Variants in GMPR observed in about 807,000 individuals in gnomAD.
GMPR encodes the protein guanosine monophosphate reductase, also known as GMP reductase 1.
A neutral mutation model predicts 38.4 loss-of-function variants in GMPR; 31 were observed. That is an observed-to-expected ratio of 0.81 (90% CI 0.61 to 1.09). The LOEUF is 1.09. GMPR is among the 50% of genes least tolerant of loss of function. GMPR has a pLI of 0.00. For synonymous variants in GMPR, 162 were observed against 173.3 expected (o/e 0.93, Z 0.51); for missense variants, 468 against 453.7 (o/e 1.03, Z -0.29).
chr6:16,269,295 C>T (rs1015383923), intron 4 of GMPR, among the ~76,000 whole-genome samples: 3 of 152,122 alleles, frequency 2.0e-5, no homozygotes, highest in African/African-American at 7.2e-5. Flanking sequence ...GTGATTTGCT[C>T]AAAAGTACCC....
chr6:16,265,488 G>C (rs1759176204), intron 4 of GMPR, among the ~76,000 whole-genome samples: 1 of 152,156 alleles, frequency 6.6e-6, no homozygotes, highest in Non-Finnish European at 1.5e-5. Context: ...TTGACTTTCT[G>C]GGTCCAGTGG....
At chr6:16,267,626 ACACT>A (rs755995387) in intron 4 of GMPR, among the ~76,000 whole-genome samples, 1 of 152,060 alleles carries the variant, frequency 6.6e-6, no homozygotes, top group Non-Finnish European at 1.5e-5. Flanking sequence ...AAGAATTGTA[ACACT>A]CACCGCAGCC....
At chr6:16,239,232 C>G (rs1758597115) in intron 1 of GMPR, among the ~76,000 whole-genome samples, 1 of 152,168 alleles carries the variant, frequency 6.6e-6, no homozygotes, top group African/African-American at 2.4e-5. Context: ...GGTGGAACTT[C>G]GTGAACGCGT....
intron 8 of GMPR, among the ~76,000 whole-genome samples, chr6:16,293,010 G>A (rs957954695): frequency 6.7e-6 from 1 of 148,806 alleles, no homozygotes; most frequent in African/African-American, 2.5e-5. Context: ...TCTTACCTCT[G>A]TCTGAGTCTC....
intron 1 of GMPR, among the ~76,000 whole-genome samples, chr6:16,240,605 C>T (rs1581643154): frequency 6.6e-6 from 1 of 152,338 alleles, no homozygotes; most frequent in South Asian, 2.1e-4. Context: ...CACTGCACTT[C>T]AGCCTGGACA....
rs1758927845 is a variant in GMPR at position 16,254,088 on chromosome 6, G to A, written c.292-474G>A. ...TGGGATTACAGGCACCTGCCACCACGCCTGGCTAATTTTTATATTTTTAAT... is the reference window on the plus strand; with the variant it reads ...TGGGATTACAGGCACCTGCCACCACACCTGGCTAATTTTTATATTTTTAAT... On this transcript the variant is annotated intron_variant, in intron 3 of 8. Coordinates refer to ENST00000259727, the MANE Select transcript of GMPR (RefSeq NM_006877.4). 2.0e-5 allele frequency among the ~76,000 whole-genome samples: 3 copies of A among 152,022 alleles called. No individual in the cohort carries two copies. The South Asian group carries it at 6.2e-4, about 32-fold the overall frequency.
At position 16,259,479 on chromosome 6, in the gene GMPR, G is replaced by T. The variant is rs1056880617; in HGVS notation, c.465+4744G>T. On this transcript the variant is annotated intron_variant, in intron 4 of 8. Transcript: ENST00000259727. ...AAATAAAACAAAATAGTGGTAAAGT[G>T]TTGGGACGGTGAAAATTTTTGGGGA... is the stretch of plus-strand genomic sequence containing the variant. The T allele has an allele frequency of 2.6e-5, 4 of 151,938 alleles. 1 individual carries two copies. The Admixed American group carries it at 2.7e-4, about 10-fold the overall frequency. The allele number at this position is 151,938 out of a possible 1,614,324, so 9.4% of individuals were successfully genotyped here. A position where few individuals can be genotyped will look rare whatever the true frequency, so the allele number is the denominator to read the frequency against.
At chr6:16,284,752 G>C (rs1306644252) in intron 6 of GMPR, among the ~76,000 whole-genome samples, 1 of 152,190 alleles carries the variant, frequency 6.6e-6, no homozygotes, top group Non-Finnish European at 1.5e-5. Context: ...GGGCGCGGTG[G>C]TGCACGCCTG....
chr6:16,253,004 A>T (rs766464008), intron 3 of GMPR, among the ~76,000 whole-genome samples: 1 of 152,284 alleles, frequency 6.6e-6, no homozygotes, highest in Non-Finnish European at 1.5e-5. Context: ...GAGTTAAAAT[A>T]TAAACAATCC....
At chr6:16,240,372 A>C (rs143566015) in intron 1 of GMPR, among the ~76,000 whole-genome samples, 154 of 152,298 alleles carry the variant, frequency 1.0e-3, no homozygotes, top group Admixed American at 2.1e-3. Context: ...TCAGCTCTAC[A>C]AAAATTTAAA....
At chr6:16,248,367 G>T (rs1037691162) in intron 2 of GMPR, among the ~76,000 whole-genome samples, 1 of 151,248 alleles carries the variant, frequency 6.6e-6, no homozygotes, top group African/African-American at 2.4e-5. Flanking sequence ...CCCATTTGTG[G>T]GCAGGACATT....
At chr6:16,272,820 T>TTTTTTTC (rs1257244341) in intron 4 of GMPR, among the ~76,000 whole-genome samples, 4 of 152,256 alleles carry the variant, frequency 2.6e-5, no homozygotes, top group African/African-American at 9.6e-5. Context: ...GTATGTCAGT[T>TTTTTTTC]TTTTTTCTTT....
At chr6:16,269,839 A>C (rs983770563) in intron 4 of GMPR, among the ~76,000 whole-genome samples, 7 of 152,194 alleles carry the variant, frequency 4.6e-5, no homozygotes, top group Non-Finnish European at 8.8e-5. Flanking sequence ...GTTTATTTTC[A>C]CAGTTCTGAA....
intron 4 of GMPR, among the ~76,000 whole-genome samples, chr6:16,261,205 G>C (rs1326429066): frequency 6.6e-6 from 1 of 151,978 alleles, no homozygotes; most frequent in Non-Finnish European, 1.5e-5. Flanking sequence ...AAGGAAAGGA[G>C]TTGCTGTTTT....
intron 8 of GMPR, among the ~76,000 whole-genome samples, chr6:16,293,753 G>A (rs955567177): frequency 2.6e-5 from 4 of 152,166 alleles, no homozygotes; most frequent in Non-Finnish European, 5.9e-5. Flanking sequence ...AGCTGAGATT[G>A]CACCATTGCA....
chr6:16,274,415 G>T lies in GMPR; in HGVS notation c.466G>T (p.Ala156Ser), dbSNP rs758823883. The T allele has an allele frequency of 2.5e-6, 4 of 1,582,976 alleles. No individual in the cohort carries two copies. The highest frequency in any genetic ancestry group is 3.5e-6 in the Non-Finnish European group (4 of 1,151,696). ...ATCAGCTGTATTCTTTCTGTCTCAG[G>T]CAGGGAACGTGGTGACAGGAGAAAT... ...RAKFPEHTIM[A>S]GNVVTGEMVE... The change falls in exon 5 of 9, where the codon GCA (alanine) becomes TCA (serine). Residue 156 changes from alanine (A) to serine (S), a missense_variant and splice_region_variant. Physicochemically the swap from Ala to Ser is moderately conservative, Grantham distance 99. Coordinates refer to ENST00000259727, the MANE Select transcript of GMPR (RefSeq NM_006877.4).
intron 6 of GMPR, among the ~76,000 whole-genome samples, chr6:16,279,157 C>T (rs1448602262): frequency 6.6e-6 from 1 of 152,226 alleles, no homozygotes; most frequent in Non-Finnish European, 1.5e-5. Context: ...CAGGGTAGGC[C>T]AGGCCACAGC....
chr6:16,239,951 C>T (rs778154281), intron 1 of GMPR, among the ~76,000 whole-genome samples: 13 of 152,166 alleles, frequency 8.5e-5, no homozygotes, highest in Admixed American at 3.3e-4. Context: ...CTGTGCCTGT[C>T]CCTCATGACC....
intron 7 of GMPR, among the ~76,000 whole-genome samples, chr6:16,287,692 C>G (rs1321616824): frequency 2.0e-5 from 3 of 152,180 alleles, no homozygotes; most frequent in Admixed American, 6.5e-5. Context: ...GGCTGGACAC[C>G]AGTTATCCTC....
Sources: gnomAD v4.1 joint callset for allele counts (sites outside exome capture counted in the v4.1 genomes callset) on GRCh38, gnomAD v4.1.1 for gene constraint, MANE v1.5 for transcripts, NCBI Gene and HGNC (gene_info 2026-07-23, HGNC 2026-07-21) for gene names.